Variants in KCNQ1OT1 observed in about 807,000 individuals in gnomAD.
The protein encoded by KCNQ1OT1 is KCNQ1 opposite strand/antisense transcript 1, also known as KCNQ1 antisense RNA 2 (non-protein coding).
At chr11:2,644,988 G>A (rs999554238) in exon 1 of KCNQ1OT1, 3 of 398,522 alleles carry the variant, frequency 7.5e-6, no homozygotes, top group Non-Finnish European at 1.3e-5. Flanking sequence ...AGTGTATGCT[G>A]GTACCAGTGT....
At chr11:2,630,683 C>T in exon 1 of KCNQ1OT1, 1 of 398,156 alleles carries the variant, frequency 2.5e-6, no homozygotes, top group Non-Finnish European at 4.4e-6. Flanking sequence ...GAATTTTGTA[C>T]TTTCATATGT....
chr11:2,692,294 G>A (rs889341279), exon 1 of KCNQ1OT1: 3 of 398,864 alleles, frequency 7.5e-6, no homozygotes, highest in Non-Finnish European at 1.3e-5. Context: ...GAGGTTCCCT[G>A]CTTCCCTCCA....
At chr11:2,629,255 T>G in exon 1 of KCNQ1OT1, 1 of 398,418 alleles carries the variant, frequency 2.5e-6, no homozygotes, top group Non-Finnish European at 4.4e-6. Flanking sequence ...ATTTGTATCA[T>G]CTTAGAATTT....
chr11:2,630,050 G>A (rs1333890975), exon 1 of KCNQ1OT1: 1 of 397,814 alleles, frequency 2.5e-6, no homozygotes, highest in Non-Finnish European at 4.4e-6. Flanking sequence ...TGTTAGCTGT[G>A]GGCTATTCAT....
exon 1 of KCNQ1OT1, chr11:2,628,502 T>C: frequency 2.5e-6 from 1 of 398,478 alleles, no homozygotes; most frequent in Non-Finnish European, 4.4e-6. Flanking sequence ...ATTAAGTTTT[T>C]TTGCTAGTTA....
rs1002883740 is a variant in KCNQ1OT1, at chr11:2,642,664, C to G, written n.57331G>C. On this transcript the variant is annotated non_coding_transcript_exon_variant, in exon 1 of 1. Coordinates refer to ENST00000597346, the Ensembl canonical transcript of KCNQ1OT1. The surrounding 1 kb of genome is among the most constrained non-coding windows in gnomAD (Gnocchi z 4.3). The stretch of plus-strand genomic sequence containing the variant: ...TATTTATTTAGTTTCTTGTTTAGTT[C>G]TGCTCTGATCTTCGTTATTTCTTTC... 3 of 397,550 alleles carry G rather than the reference C, an allele frequency of 7.5e-6. No homozygotes were observed. The highest frequency in any genetic ancestry group is 7.2e-5 in the East Asian group (2 of 27,936). 24.6% of individuals were successfully genotyped at this position (397,550 alleles called of 1,614,324 possible).
exon 1 of KCNQ1OT1, chr11:2,616,998 A>C (rs1263980482): frequency 2.5e-6 from 1 of 397,796 alleles, no homozygotes; most frequent in African/African-American, 2.1e-5. Context: ...ATGCATATTT[A>C]GTGTATAAAA....
rs181130408 is a variant in KCNQ1OT1, at chr11:2,631,104, C to A, written n.68891G>T. 3.8e-5 allele frequency: 15 copies of A among 398,482 alleles called. 1 individual carries two copies. Among genetic ancestry groups the A allele is most frequent in the Admixed American group, 2.2e-4 (5 of 22,732 alleles). 24.7% of individuals were successfully genotyped at this position (398,482 alleles called of 1,614,324 possible). On this transcript the variant is annotated non_coding_transcript_exon_variant, in exon 1 of 1. Transcript: ENST00000597346. The stretch of plus-strand genomic sequence containing the variant: ...TTGTAATTCTTTGAGCTTCATGTAC[C>A]TAGATGTCCATCAATCTGGGAAGAG...
At chr11:2,665,464 G>A (rs2283180) in exon 1 of KCNQ1OT1, 1 of 396,682 alleles carries the variant, frequency 2.5e-6, no homozygotes, top group Non-Finnish European at 4.4e-6. Context: ...GCACGACAGT[G>A]GGTGGGGACG....
At position 2,661,922 on chromosome 11, in the gene KCNQ1OT1, T is replaced by C. The variant is rs739502; in HGVS notation, n.38073A>G. ...GGCTCCACAGCACTGGCAGGTTGGGTGGGAGGCCTAACGTGCTGTCCCCAC... is the reference window on the plus strand; with the variant it reads ...GGCTCCACAGCACTGGCAGGTTGGGCGGGAGGCCTAACGTGCTGTCCCCAC... On this transcript the variant is annotated non_coding_transcript_exon_variant, in exon 1 of 1. Coordinates refer to ENST00000597346, the Ensembl canonical transcript of KCNQ1OT1. This position sits in a 1 kb window ranked among gnomAD's most constrained non-coding sequence, Gnocchi z 5.9. 2 of 1,613,148 alleles carry C rather than the reference T, an allele frequency of 1.2e-6. No individual in the cohort carries two copies. Among genetic ancestry groups the C allele is most frequent in the South Asian group, 1.1e-5 (1 of 91,056 alleles).
At chr11:2,680,321 C>T (rs1850373176) in exon 1 of KCNQ1OT1, 2 of 330,806 alleles carry the variant, frequency 6.0e-6, no homozygotes. Context: ...GCCTTCCCCA[C>T]CTCAAAAAAA....
exon 1 of KCNQ1OT1, chr11:2,630,574 TTA>T (rs1215102046): frequency 2.5e-6 from 1 of 398,252 alleles, no homozygotes; most frequent in African/African-American, 2.1e-5. Flanking sequence ...TAATTTTTAA[TTA>T]TTTTTCTTTT....
exon 1 of KCNQ1OT1, chr11:2,697,792 C>A (rs1850704016): frequency 2.5e-6 from 1 of 398,512 alleles, no homozygotes; most frequent in African/African-American, 2.1e-5. Context: ...GGAACTTCTG[C>A]ATCTACATTC....
chr11:2,698,619 T>A lies in KCNQ1OT1; in HGVS notation n.1376A>T, dbSNP rs898755824. The A allele has an allele frequency of 8.5e-5, 34 of 398,200 alleles. No homozygotes were observed. The highest frequency in any genetic ancestry group is 1.4e-4 in the Non-Finnish European group (31 of 226,020). 24.7% of individuals were successfully genotyped at this position (398,200 alleles called of 1,614,324 possible). ...CTTCGACTTCAATTCCTGACTCCCA[T>A]ACCCCACTGAGACCTCTAACCCCAA... On this transcript the variant is annotated non_coding_transcript_exon_variant, in exon 1 of 1. Coordinates refer to ENST00000597346, the Ensembl canonical transcript of KCNQ1OT1. The surrounding 1 kb of genome is among the most constrained non-coding windows in gnomAD (Gnocchi z 5.1).
rs1850259099 is a variant in KCNQ1OT1 at position 2,674,632 on chromosome 11, C to G, written n.25363G>C. On this transcript the variant is annotated non_coding_transcript_exon_variant, in exon 1 of 1. Transcript: ENST00000597346. The surrounding 1 kb of genome is among the most constrained non-coding windows in gnomAD (Gnocchi z 5.9). ...CTTAAAACAGTCACAGCGAAACATGCCTTTGAATTGGAAAGCCAGAACTTT... is the reference window on the plus strand; with the variant it reads ...CTTAAAACAGTCACAGCGAAACATGGCTTTGAATTGGAAAGCCAGAACTTT... 2.5e-6 allele frequency: 1 copy of G among 398,510 alleles called. No individual in the cohort carries two copies. Among genetic ancestry groups the G allele is most frequent in the Non-Finnish European group, 4.4e-6 (1 of 226,032 alleles). The allele number at this position is 398,510 out of a possible 1,614,324, so 24.7% of individuals were successfully genotyped here.
In KCNQ1OT1 at chr11:2,655,476, C is replaced by G. The variant is rs1054716100; in HGVS notation, n.44519G>C. The G allele has an allele frequency of 7.5e-6, 3 of 398,674 alleles. No homozygotes were observed. In the East Asian group the frequency reaches 1.1e-4, roughly 14 times the overall value. 24.7% of individuals were successfully genotyped at this position (398,674 alleles called of 1,614,324 possible). A position where few individuals can be genotyped will look rare whatever the true frequency, so the allele number is the denominator to read the frequency against. On this transcript the variant is annotated non_coding_transcript_exon_variant, in exon 1 of 1. Coordinates refer to ENST00000597346, the Ensembl canonical transcript of KCNQ1OT1. ...GCACCTGGCATTGCTCCGGTACCTC[C>G]TGCAGAGCCTGGATATCCAGATGAA...
chr11:2,692,997 T>TA (rs1469484803), exon 1 of KCNQ1OT1: 2 of 398,434 alleles, frequency 5.0e-6, no homozygotes, highest in Non-Finnish European at 4.4e-6. Context: ...AGAAGCCTCA[T>TA]AAGCAAGCAC....
Position 2,658,453 on chromosome 11 carries a change from T to C in KCNQ1OT1, n.41542A>G, listed in dbSNP as rs1339576555. 2.5e-6 allele frequency: 1 copy of C among 398,644 alleles called. No homozygotes were observed. Among genetic ancestry groups the C allele is most frequent in the East Asian group, 3.6e-5 (1 of 28,074 alleles). 24.7% of individuals were successfully genotyped at this position (398,644 alleles called of 1,614,324 possible). ...GCCACTGGTGGGTTCATGTGTCCTT[T>C]TGATGTGCCCCCCGCCATCCTTTTC... On this transcript the variant is annotated non_coding_transcript_exon_variant, in exon 1 of 1. Coordinates refer to ENST00000597346, the Ensembl canonical transcript of KCNQ1OT1. The surrounding 1 kb of genome is among the most constrained non-coding windows in gnomAD (Gnocchi z 4.9).
At chr11:2,655,407 CT>C in exon 1 of KCNQ1OT1, 1 of 398,706 alleles carries the variant, frequency 2.5e-6, no homozygotes, top group Non-Finnish European at 4.4e-6. Context: ...GGATGCTGTG[CT>C]CTTTGTCCCC....
Sources: allele counts gnomAD v4.1 joint callset, GRCh38; gene constraint gnomAD v4.1.1; non-coding constraint Gnocchi (gnomAD v3.1); transcripts MANE v1.5; gene names NCBI Gene and HGNC (gene_info 2026-07-23, HGNC 2026-07-21).